Variants in SPMIP6 observed in about 807,000 individuals in gnomAD.
The protein encoded by SPMIP6 is sperm microtubule inner protein 6.
At chr9:34,387,532 G>A in the SPMIP6 span, among the ~76,000 whole-genome samples, 4 of 152,150 alleles carry the variant, frequency 2.6e-5, no homozygotes, top group Admixed American at 2.6e-4. Context: ...ACACCCCTGT[G>A]TACCCAGATA....
chr9:34,397,603 G>A, the SPMIP6 span: 14 of 1,612,444 alleles, frequency 8.7e-6, no homozygotes, highest in African/African-American at 1.7e-4. Context: ...GTACTGATAG[G>A]GGTCCTGGTC....
the SPMIP6 span, among the ~76,000 whole-genome samples, chr9:34,385,089 G>T: frequency 6.6e-6 from 1 of 152,050 alleles, no homozygotes; most frequent in South Asian, 2.1e-4. Context: ...GGGACCCAGG[G>T]CCCTTCCAGG....
At chr9:34,382,671 G>T in the SPMIP6 span, 1 of 866,762 alleles carries the variant, frequency 1.2e-6, no homozygotes, top group Non-Finnish European at 2.0e-6. Context: ...ACCTAATGGT[G>T]AAATATCAGT....
the SPMIP6 span, chr9:34,381,626 CAG>C: frequency 1.4e-6 from 2 of 1,436,814 alleles, no homozygotes; most frequent in Non-Finnish European, 1.8e-6. This position sits in a 1 kb window ranked among gnomAD's most constrained non-coding sequence, Gnocchi z 4.4. Context: ...ACATCGCCAA[CAG>C]GGGCGGGGTG....
the SPMIP6 span, chr9:34,379,205 GT>G: frequency 7.1e-7 from 1 of 1,412,858 alleles, no homozygotes; most frequent in Non-Finnish European, 1.0e-6. The surrounding 1 kb of genome is among the most constrained non-coding windows in gnomAD (Gnocchi z 4.2). Context: ...TGGGTCAGCC[GT>G]TTTGGATCCT....
chr9:34,381,368 C>A, the SPMIP6 span: 30 of 1,613,714 alleles, frequency 1.9e-5, no homozygotes, highest in African/African-American at 3.6e-4. The surrounding 1 kb of genome is among the most constrained non-coding windows in gnomAD (Gnocchi z 4.4). Context: ...CCACTCTTTA[C>A]CGTAGGCATT....
chr9:34,381,396 G>GGCATTCCA, the SPMIP6 span: 1 of 1,614,092 alleles, frequency 6.2e-7, no homozygotes, highest in Middle Eastern at 1.6e-4. The surrounding 1 kb of genome is among the most constrained non-coding windows in gnomAD (Gnocchi z 4.4). Context: ...TCCGGCCTAG[G>GGCATTCCA]AGGGCATTCC....
At chr9:34,392,442 CGTGT>C in the SPMIP6 span, among the ~76,000 whole-genome samples, 797 of 148,210 alleles carry the variant, frequency 5.4e-3, 2 homozygotes, top group African/African-American at 7.6e-3. This position sits in a 1 kb window ranked among gnomAD's most constrained non-coding sequence, Gnocchi z 4.6. Context: ...ATCTAAAAAC[CGTGT>C]GTGTGTGTGT....
chr9:34,397,485 A>G, the SPMIP6 span: 2 of 1,613,860 alleles, frequency 1.2e-6, no homozygotes, highest in South Asian at 2.2e-5. Flanking sequence ...CCTCCCCACC[A>G]ATCTCCCACT....
the SPMIP6 span, among the ~76,000 whole-genome samples, chr9:34,383,708 G>T: frequency 1.3e-5 from 2 of 152,136 alleles, no homozygotes. Flanking sequence ...GACCCTGACT[G>T]AATTAATTAA....
the SPMIP6 span, chr9:34,381,294 C>A: frequency 4.4e-6 from 7 of 1,604,168 alleles, no homozygotes; most frequent in Non-Finnish European, 6.0e-6. The surrounding 1 kb of genome is among the most constrained non-coding windows in gnomAD (Gnocchi z 4.4). Flanking sequence ...CCTTCAGGTA[C>A]CCATCCCGCC....
chr9:34,379,822 G>C, the SPMIP6 span: 6 of 994,228 alleles, frequency 6.0e-6, no homozygotes, highest in Admixed American at 5.9e-5. This position sits in a 1 kb window ranked among gnomAD's most constrained non-coding sequence, Gnocchi z 4.2. Flanking sequence ...CGGCGCTTCA[G>C]GTGTCCGTCC....
chr9:34,394,899 G>A, the SPMIP6 span, among the ~76,000 whole-genome samples: 1 of 151,434 alleles, frequency 6.6e-6, no homozygotes, highest in Non-Finnish European at 1.5e-5. Flanking sequence ...AAGTTGTTTT[G>A]AAGCAACAGG....
At chr9:34,396,190 G>T in the SPMIP6 span, among the ~76,000 whole-genome samples, 1 of 151,788 alleles carries the variant, frequency 6.6e-6, no homozygotes, top group African/African-American at 2.4e-5. Context: ...TCCTGAAAGG[G>T]CATACGATAA....
the SPMIP6 span, chr9:34,382,957 C>G: frequency 1.1e-6 from 1 of 935,710 alleles, no homozygotes; most frequent in Non-Finnish European, 1.7e-6. Flanking sequence ...TCTTCCGATT[C>G]CCAGCACAAA....
chr9:34,388,127 A>G, the SPMIP6 span, among the ~76,000 whole-genome samples: 1 of 140,564 alleles, frequency 7.1e-6, no homozygotes, highest in African/African-American at 2.6e-5. Flanking sequence ...AGGGGTGATT[A>G]GTGAGTTTAA....
At chr9:34,394,426 A>T in the SPMIP6 span, among the ~76,000 whole-genome samples, 13 of 152,244 alleles carry the variant, frequency 8.5e-5, no homozygotes, top group African/African-American at 3.1e-4. Context: ...AAGTGCTGGG[A>T]TTACAGCTGT....
the SPMIP6 span, chr9:34,397,372 C>G: frequency 9.5e-7 from 1 of 1,053,132 alleles, no homozygotes; most frequent in Non-Finnish European, 1.5e-6. Context: ...ATTGTAAATT[C>G]TGTGCCTAGG....
chr9:34,382,795 A>G, the SPMIP6 span: 62 of 1,614,190 alleles, frequency 3.8e-5, no homozygotes, highest in East Asian at 1.3e-3. Flanking sequence ...TTGTTGCAGC[A>G]GCTGCTGTTG....
Sources: gnomAD v4.1 joint callset for allele counts (sites outside exome capture counted in the v4.1 genomes callset) on GRCh38, gnomAD v4.1.1 for gene constraint, Gnocchi (gnomAD v3.1) non-coding constraint, MANE v1.5 for transcripts, NCBI Gene and HGNC (gene_info 2026-07-23, HGNC 2026-07-21) for gene names.